CCSER1: variants seen among roughly 807,000 people sequenced by gnomAD.
The protein encoded by CCSER1 is coiled-coil serine rich protein 1.
CCSER1 carries 41 observed loss-of-function variants against 82.0 expected under a neutral mutation model. The observed-to-expected ratio is 0.50, with a 90% CI of 0.39 to 0.65. The LOEUF (loss-of-function observed/expected upper bound fraction) is 0.65, where lower values mean the gene tolerates loss of function less well. Ranked by LOEUF, CCSER1 falls within the 30% of genes least tolerant of loss-of-function variation. The pLI is 0.00. For synonymous variants in CCSER1, 414 were observed against 383.9 expected, an observed-to-expected ratio of 1.08 and a Z score of -0.92; for missense variants, 1,119 against 1,064.2, an observed-to-expected ratio of 1.05 and a Z score of -0.72.
chr4:91,253,776 G>A (rs1468078204), intron 10 of CCSER1, among the ~76,000 whole-genome samples: 1 of 152,088 alleles, frequency 6.6e-6, no homozygotes, highest in Non-Finnish European at 1.5e-5. Context: ...CTTCTGGGGA[G>A]GCCTCAGGAA....
chr4:90,473,454 A>G (rs995098022), intron 5 of CCSER1, among the ~76,000 whole-genome samples: 1 of 152,208 alleles, frequency 6.6e-6, no homozygotes, highest in African/African-American at 2.4e-5. Flanking sequence ...TTACTTAAAC[A>G]TATTGTCATT....
chr4:91,465,921 G>C (rs1756872286), intron 10 of CCSER1, among the ~76,000 whole-genome samples: 1 of 152,088 alleles, frequency 6.6e-6, no homozygotes, highest in South Asian at 2.1e-4. Flanking sequence ...TTCTACCAGA[G>C]GTACAAGGAG....
intron 7 of CCSER1, among the ~76,000 whole-genome samples, chr4:90,745,496 T>C (rs980735948): frequency 2.6e-5 from 4 of 152,118 alleles, no homozygotes; most frequent in Non-Finnish European, 5.9e-5. Flanking sequence ...GTCAGTAATA[T>C]CACACAAGTA....
chr4:91,210,543 A>ATT (rs112784347), intron 10 of CCSER1, among the ~76,000 whole-genome samples: 8 of 147,546 alleles, frequency 5.4e-5, no homozygotes, highest in African/African-American at 2.0e-4. Context: ...GTACACTGTG[A>ATT]TTTTTTTTTT....
At chr4:91,028,527 G>A (rs10516883) in intron 9 of CCSER1, among the ~76,000 whole-genome samples, 16,746 of 151,904 alleles carry the variant, frequency 0.11, 1,823 homozygotes, top group African/African-American at 0.28. Flanking sequence ...ATTATCTGTG[G>A]ACATTGATAT....
chr4:91,551,952 GA>G (rs765302645), intron 10 of CCSER1, among the ~76,000 whole-genome samples: 7 of 151,732 alleles, frequency 4.6e-5, no homozygotes, highest in Middle Eastern at 3.4e-3. Context: ...AAAGGGAGGG[GA>G]AAAATGCTGT....
intron 10 of CCSER1, among the ~76,000 whole-genome samples, chr4:91,177,540 A>C (rs1733528555): frequency 6.6e-6 from 1 of 152,130 alleles, no homozygotes; most frequent in Non-Finnish European, 1.5e-5. Context: ...TTCCTGGTTT[A>C]GTCTTGGGAG....
At chr4:91,150,076 A>G (rs1003314443) in intron 10 of CCSER1, among the ~76,000 whole-genome samples, 1 of 152,016 alleles carries the variant, frequency 6.6e-6, no homozygotes, top group Non-Finnish European at 1.5e-5. Context: ...GGGCAGTATG[A>G]CCATTTTCAT....
intron 10 of CCSER1, among the ~76,000 whole-genome samples, chr4:91,522,589 A>G (rs1408349566): frequency 6.6e-6 from 1 of 152,142 alleles, no homozygotes; most frequent in African/African-American, 2.4e-5. Flanking sequence ...AGTCCTTCAC[A>G]TACCTTGTAA....
chr4:90,317,486 G>GT (rs1175057494), intron 3 of CCSER1, among the ~76,000 whole-genome samples: 1 of 152,126 alleles, frequency 6.6e-6, no homozygotes, highest in Non-Finnish European at 1.5e-5. Context: ...GCTGGGCATG[G>GT]TGGCCAGTGC....
At chr4:90,746,681 C>T (rs970739008) in intron 7 of CCSER1, among the ~76,000 whole-genome samples, 3 of 152,192 alleles carry the variant, frequency 2.0e-5, no homozygotes, top group African/African-American at 7.2e-5. Context: ...TCTGAGATAA[C>T]TGCATTTCTG....
At chr4:91,191,287 T>C (rs924269751) in intron 10 of CCSER1, among the ~76,000 whole-genome samples, 13 of 152,170 alleles carry the variant, frequency 8.5e-5, no homozygotes, top group African/African-American at 2.4e-4. Context: ...TATCTTCAAT[T>C]TCTCCCTTTC....
intron 10 of CCSER1, among the ~76,000 whole-genome samples, chr4:91,573,285 G>T (rs1366383936): frequency 6.6e-6 from 1 of 152,200 alleles, no homozygotes; most frequent in Non-Finnish European, 1.5e-5. Context: ...TTGGTGGCTG[G>T]CTGGAATTCT....
intron 9 of CCSER1, among the ~76,000 whole-genome samples, chr4:91,043,221 TA>T (rs1310354752): frequency 2.6e-5 from 4 of 151,846 alleles, no homozygotes; most frequent in Admixed American, 6.6e-5. Context: ...AGGCATTCAC[TA>T]AAAAAAGAAA....
At chr4:91,421,226 A>C (rs528637750) in intron 10 of CCSER1, among the ~76,000 whole-genome samples, 7 of 152,338 alleles carry the variant, frequency 4.6e-5, no homozygotes, top group African/African-American at 1.7e-4. Context: ...CTATTACAGG[A>C]ATTGGCTTAG....
At chr4:90,401,244 T>G (rs933754007) in intron 4 of CCSER1, among the ~76,000 whole-genome samples, 1 of 152,212 alleles carries the variant, frequency 6.6e-6, no homozygotes, top group African/African-American at 2.4e-5. Context: ...TTGACAGATA[T>G]CCTTCTAAAA....
At chr4:91,543,428 A>G (rs1489699388) in intron 10 of CCSER1, among the ~76,000 whole-genome samples, 1 of 152,166 alleles carries the variant, frequency 6.6e-6, no homozygotes, top group African/African-American at 2.4e-5. Context: ...ATGTTTTTGC[A>G]GTGGCTGGTA....
At chr4:90,224,395 C>G (rs547445324) in intron 1 of CCSER1, among the ~76,000 whole-genome samples, 1 of 152,098 alleles carries the variant, frequency 6.6e-6, no homozygotes, top group African/African-American at 2.4e-5. Flanking sequence ...ATGGATTACT[C>G]GGGGTGCTGC....
chr4:91,512,866 A>T (rs115378883), intron 10 of CCSER1, among the ~76,000 whole-genome samples: 2,406 of 152,204 alleles, frequency 0.016, 70 homozygotes, highest in African/African-American at 0.055. Context: ...CTTTTGGTGG[A>T]GTCTTTGGGA....
Sources: allele counts gnomAD v4.1 joint callset (sites outside exome capture counted in the v4.1 genomes callset), GRCh38; gene constraint gnomAD v4.1.1; transcripts MANE v1.5; gene names NCBI Gene and HGNC (gene_info 2026-07-23, HGNC 2026-07-21).